Variants in ZNF423 observed in about 807,000 individuals in gnomAD.
ZNF423 encodes the protein Ebf-associated zinc finger protein.
In ZNF423, 12 loss-of-function variants were observed where a neutral mutation model predicts 95.8. The observed-to-expected ratio is 0.13, with a 90% CI of 0.08 to 0.20. The LOEUF (loss-of-function observed/expected upper bound fraction) is 0.20. ZNF423 is among the 10% of genes least tolerant of loss of function. The pLI, the probability that ZNF423 is intolerant of heterozygous loss-of-function variation, is 1.00. For missense variants in ZNF423, 1,316 were observed against 1,737.1 expected (o/e 0.76, Z 4.31); for synonymous variants, 749 against 711.9 (o/e 1.05, Z -0.83).
At chr16:49,589,090 C>A (rs1375881574) in intron 5 of ZNF423, among the ~76,000 whole-genome samples, 1 of 152,324 alleles carries the variant, frequency 6.6e-6, no homozygotes, top group African/African-American at 2.4e-5. Context: ...TCAGGAGAAA[C>A]AAAGACAACA....
At chr16:49,518,632 T>G (rs1043710115) in intron 7 of ZNF423, 6 of 407,352 alleles carry the variant, frequency 1.5e-5, no homozygotes, top group African/African-American at 1.3e-4. Context: ...AACTCCGACC[T>G]TCAGCCACTG....
chr16:49,677,490 G>A (rs1468960471), intron 3 of ZNF423, among the ~76,000 whole-genome samples: 1 of 151,606 alleles, frequency 6.6e-6, no homozygotes, highest in Non-Finnish European at 1.5e-5. Flanking sequence ...GGAAAGGAAA[G>A]AAAAGAAAAG....
At chr16:49,644,365 G>C (rs1973090768) in intron 3 of ZNF423, among the ~76,000 whole-genome samples, 1 of 151,920 alleles carries the variant, frequency 6.6e-6, no homozygotes, top group Non-Finnish European at 1.5e-5. Flanking sequence ...GAATAAAAAT[G>C]ACCATCCAGC....
At chr16:49,651,909 G>A (rs993070912) in intron 3 of ZNF423, among the ~76,000 whole-genome samples, 12 of 152,134 alleles carry the variant, frequency 7.9e-5, no homozygotes, top group Admixed American at 1.3e-4. Flanking sequence ...ACAGTTACCC[G>A]TGCACAAGAT....
rs539255524 is a variant in ZNF423, at chr16:49,489,149, G to A, written c.*2126C>T. 6.6e-6 allele frequency: 1 copy of A among 152,356 alleles called. No individual in the cohort carries two copies. The highest frequency in any genetic ancestry group is 2.1e-4 in the South Asian group (1 of 4,814). 9.4% of individuals were successfully genotyped at this position (152,356 alleles called of 1,614,324 possible). ...CAACCGTCAAATCGAATCTTCTATT[G>A]GTAGTTACTGAGGGCTCACCTGGGC... On this transcript the variant is annotated 3_prime_UTR_variant, in exon 8 of 8. Coordinates refer to ENST00000563137, the MANE Select transcript of ZNF423 (RefSeq NM_001379286.1).
intron 2 of ZNF423, among the ~76,000 whole-genome samples, chr16:49,773,387 G>A (rs2034069130): frequency 6.6e-6 from 1 of 152,036 alleles, no homozygotes; most frequent in African/African-American, 2.4e-5. Flanking sequence ...ACTGTCACGA[G>A]AACAGCACGG....
chr16:49,815,878 AAAAATATATATATAT>A (rs1442382022), intron 1 of ZNF423, among the ~76,000 whole-genome samples: 1 of 61,386 alleles, frequency 1.6e-5, no homozygotes, highest in South Asian at 6.3e-4. Context: ...AACAAAAAAA[AAAAATATATATATAT>A]ATATATATAT....
chr16:49,677,302 A>AGAAGGGAAGGGAAGGGAAGG (rs2031129391), intron 3 of ZNF423, among the ~76,000 whole-genome samples: 2 of 75,140 alleles, frequency 2.7e-5, no homozygotes, highest in Non-Finnish European at 5.5e-5. Flanking sequence ...AGAAGAGAAG[A>AGAAGGGAAGGGAAGGGAAGG]GAAGAGAAAG....
At chr16:49,639,949 C>T (rs770961600) in intron 3 of ZNF423, among the ~76,000 whole-genome samples, 2 of 152,202 alleles carry the variant, frequency 1.3e-5, no homozygotes, top group Non-Finnish European at 2.9e-5. Flanking sequence ...AGAGCCAGCC[C>T]GGGCAGGGAG....
chr16:49,525,650 C>T (rs973893331), intron 5 of ZNF423, among the ~76,000 whole-genome samples, 156 bp from the exon 6 acceptor site: 6 of 152,128 alleles, frequency 3.9e-5, no homozygotes, highest in African/African-American at 1.4e-4. Context: ...CATCCTGGCT[C>T]CACATGGCCT....
chr16:49,819,436 A>G (rs887445004), intron 1 of ZNF423, among the ~76,000 whole-genome samples: 1 of 151,830 alleles, frequency 6.6e-6, no homozygotes, highest in Non-Finnish European at 1.5e-5. Flanking sequence ...GTTAGTAATC[A>G]TAGGCTCATC....
chr16:49,572,193 A>C (rs1970374272), intron 5 of ZNF423, among the ~76,000 whole-genome samples: 1 of 152,162 alleles, frequency 6.6e-6, no homozygotes, highest in Admixed American at 6.5e-5. Context: ...CAGCTGCCTG[A>C]AATCTGCTAT....
chr16:49,513,289 C>A (rs2151685126), intron 7 of ZNF423, among the ~76,000 whole-genome samples: 1 of 152,294 alleles, frequency 6.6e-6, no homozygotes, highest in African/African-American at 2.4e-5. Flanking sequence ...GGGCCCTGGT[C>A]TCCCAGCAGA....
chr16:49,857,333 C>CGGCGCG (rs962114933), upstream of ZNF423, among the ~76,000 whole-genome samples: 22 of 150,100 alleles, frequency 1.5e-4, no homozygotes, highest in Non-Finnish European at 3.0e-4. This position sits in a 1 kb window ranked among gnomAD's most constrained non-coding sequence, Gnocchi z 6.2. Context: ...GCGGCAGGCA[C>CGGCGCG]GGCGCGGGCG....
At chr16:49,599,586 A>C (rs1289277759) in intron 5 of ZNF423, among the ~76,000 whole-genome samples, 1 of 152,204 alleles carries the variant, frequency 6.6e-6, no homozygotes, top group Non-Finnish European at 1.5e-5. Context: ...TGTGAATAAC[A>C]GCCCAAATCC....
At chr16:49,777,818 C>G (rs2034145090) in intron 2 of ZNF423, among the ~76,000 whole-genome samples, 1 of 152,148 alleles carries the variant, frequency 6.6e-6, no homozygotes, top group Admixed American at 6.5e-5. Context: ...TGAGATAATG[C>G]ATGTCACAGC....
chr16:49,491,588 G>C (rs889266067), intron 7 of ZNF423, among the ~76,000 whole-genome samples: 6 of 150,428 alleles, frequency 4.0e-5, no homozygotes, highest in Non-Finnish European at 5.9e-5. Context: ...TCTTACCGGG[G>C]GGACTGGCTA....
intron 3 of ZNF423, among the ~76,000 whole-genome samples, chr16:49,673,747 G>A (rs1380197526): frequency 6.6e-6 from 1 of 152,216 alleles, no homozygotes; most frequent in East Asian, 1.9e-4. Context: ...ACCGCCATCT[G>A]GTCATCCATT....
At chr16:49,747,155 G>A (rs531796080) in intron 2 of ZNF423, among the ~76,000 whole-genome samples, 17 of 152,280 alleles carry the variant, frequency 1.1e-4, no homozygotes, top group East Asian at 1.9e-4. Flanking sequence ...TCTGCTGCAG[G>A]ATGATTTGTA....
Sources: gnomAD v4.1 joint callset for allele counts (sites outside exome capture counted in the v4.1 genomes callset) on GRCh38, gnomAD v4.1.1 for gene constraint, Gnocchi (gnomAD v3.1) non-coding constraint, MANE v1.5 for transcripts, NCBI Gene and HGNC (gene_info 2026-07-23, HGNC 2026-07-21) for gene names.